RASGRP1: variants seen among roughly 807,000 people sequenced by gnomAD.
RASGRP1 encodes RAS guanyl releasing protein 1.
Under a neutral mutation model 95.1 loss-of-function variants are expected in RASGRP1, and 37 were observed. The ratio of observed to expected loss-of-function variants is 0.39; its 90% confidence interval spans 0.30 to 0.51. The LOEUF is 0.51. Among genes scored for constraint, RASGRP1 ranks in the 20% least tolerant of loss-of-function variants. The probability of loss-of-function intolerance (pLI) is 0.80; values close to 1 mark genes in which losing one functional copy is unlikely to be tolerated. For synonymous variants in RASGRP1, 325 were observed against 353.4 expected, an observed-to-expected ratio of 0.92 and a Z score of 0.90; for missense variants, 711 against 965.4, an observed-to-expected ratio of 0.74 and a Z score of 3.49.
At chr15:38,512,688 A>G (rs1891583939) in intron 7 of RASGRP1, 95 bp downstream of exon 7, 44 of 1,483,796 alleles carry the variant, frequency 3.0e-5, no homozygotes, top group Non-Finnish European at 4.0e-5. Context: ...TTCAGGAGGG[A>G]AAAAACAGCT....
chr15:38,514,627 T>A (rs1025849025), intron 6 of RASGRP1, among the ~76,000 whole-genome samples: 3 of 152,092 alleles, frequency 2.0e-5, no homozygotes, highest in African/African-American at 7.2e-5. Flanking sequence ...AAAAAAACCC[T>A]GAGATAGTCT....
At chr15:38,529,391 A>G (rs111890428) in intron 2 of RASGRP1, among the ~76,000 whole-genome samples, 3 of 152,176 alleles carry the variant, frequency 2.0e-5, no homozygotes, top group African/African-American at 7.2e-5. Flanking sequence ...CTCTAATTGT[A>G]CCTCAAACAC....
chr15:38,547,311 A>G (rs1893141127), intron 2 of RASGRP1, among the ~76,000 whole-genome samples: 1 of 152,178 alleles, frequency 6.6e-6, no homozygotes, highest in Admixed American at 6.5e-5. Context: ...AGGTTTCTGG[A>G]AGCCCTTCAC....
At position 38,488,130 on chromosome 15, in the gene RASGRP1, T is replaced by C. The variant is rs1263594382; in HGVS notation, c.*2424A>G. ...GTAGGGATCCTAATGTCTTTTATCA[T>C]ATAAATATTACACAAAGAAAACTTA... On this transcript the variant is annotated 3_prime_UTR_variant, in exon 17 of 17. Transcript: ENST00000310803. 1.3e-5 allele frequency: 2 copies of C among 152,028 alleles called. No individual in the cohort carries two copies. The highest frequency in any genetic ancestry group is 4.8e-5 in the African/African-American group (2 of 41,434). The allele number at this position is 152,028 out of a possible 1,614,324, so 9.4% of individuals were successfully genotyped here.
chr15:38,555,955 GGAAA>G (rs1893539738), intron 2 of RASGRP1, among the ~76,000 whole-genome samples: 1 of 152,092 alleles, frequency 6.6e-6, no homozygotes, highest in Admixed American at 6.5e-5. Context: ...AGGGAGATAA[GGAAA>G]GAGCTTTGTG....
At chr15:38,558,949 G>T (rs762987445) in intron 2 of RASGRP1, among the ~76,000 whole-genome samples, 1 of 152,102 alleles carries the variant, frequency 6.6e-6, no homozygotes, top group Non-Finnish European at 1.5e-5. Flanking sequence ...GCTTGGGGGG[G>T]TTGGTATGTC....
chr15:38,515,780 C>CG (rs1021319283), intron 6 of RASGRP1, among the ~76,000 whole-genome samples: 8 of 148,364 alleles, frequency 5.4e-5, no homozygotes, highest in African/African-American at 2.0e-4. Context: ...GCCCCCGCAC[C>CG]CCCCCCCCTT....
At chr15:38,526,149 A>G in intron 3 of RASGRP1, 150 bp downstream of exon 3, 1 of 649,504 alleles carries the variant, frequency 1.5e-6, no homozygotes, top group Non-Finnish European at 2.8e-6. Flanking sequence ...CACCCCCAAC[A>G]CATGCACCCA....
At chr15:38,527,561 AT>A (rs1335220815) in intron 2 of RASGRP1, among the ~76,000 whole-genome samples, 1 of 152,176 alleles carries the variant, frequency 6.6e-6, no homozygotes, top group Admixed American at 6.5e-5. Context: ...CAATGTCTTC[AT>A]TTATACGAAC....
intron 2 of RASGRP1, among the ~76,000 whole-genome samples, chr15:38,532,891 C>T (rs990155876): frequency 7.9e-5 from 12 of 151,720 alleles, no homozygotes; most frequent in African/African-American, 2.9e-4. Context: ...ATCAGAGTCT[C>T]GTGAGAGAAA....
At chr15:38,562,426 G>T (rs1893846292) in intron 1 of RASGRP1, among the ~76,000 whole-genome samples, 1 of 152,166 alleles carries the variant, frequency 6.6e-6, no homozygotes, top group South Asian at 2.1e-4. Context: ...AGCCCCTTGT[G>T]GCCCATGCAG....
chr15:38,558,298 A>G (rs1363968357), intron 2 of RASGRP1, among the ~76,000 whole-genome samples: 2 of 152,124 alleles, frequency 1.3e-5, no homozygotes, highest in Admixed American at 6.5e-5. Flanking sequence ...CTCGCAGTAT[A>G]TTTTCTAAGG....
intron 15 of RASGRP1, among the ~76,000 whole-genome samples, chr15:38,495,299 T>G (rs2141078218): frequency 6.6e-6 from 1 of 152,326 alleles, no homozygotes; most frequent in Non-Finnish European, 1.5e-5. Flanking sequence ...TTGCCCCTGT[T>G]TGATACTGAG....
chr15:38,507,910 G>C lies in RASGRP1; in HGVS notation c.1058C>G (p.Pro353Arg). 6.2e-7 allele frequency: 1 copy of C among 1,613,452 alleles called. No individual in the cohort carries two copies. Among genetic ancestry groups the C allele is most frequent in the Non-Finnish European group, 8.5e-7 (1 of 1,179,760 alleles). The change falls in exon 9 of 17, where the codon CCC becomes CGC. Residue 353 changes from proline (P) to arginine (R), a missense_variant. By Grantham distance (103) the Pro-to-Arg change is moderately radical. Transcript: ENST00000310803. ...AYGECTDFKIPILGVHLKDLI... is the reference protein window; with the variant it reads ...AYGECTDFKIRILGVHLKDLI... The stretch of plus-strand genomic sequence containing the variant: ...GTCCTTGAGATGCACACCCAGAATG[G>C]GGATCTTGAAGTCGGTGCACTCTCC...
chr15:38,521,367 C>A (rs529306435), intron 3 of RASGRP1, among the ~76,000 whole-genome samples: 63 of 152,282 alleles, frequency 4.1e-4, no homozygotes, highest in African/African-American at 1.5e-3. Flanking sequence ...TTTACCGTGT[C>A]ATTCACCTTC....
intron 1 of RASGRP1, among the ~76,000 whole-genome samples, chr15:38,563,827 G>A (rs544377689): frequency 1.4e-4 from 21 of 152,310 alleles, no homozygotes; most frequent in Middle Eastern, 3.4e-3. Context: ...GGTGGTGCAA[G>A]GCACAGTCCC....
intron 1 of RASGRP1, among the ~76,000 whole-genome samples, chr15:38,562,271 T>C (rs984496901): frequency 2.0e-5 from 3 of 152,210 alleles, no homozygotes; most frequent in African/African-American, 7.2e-5. Flanking sequence ...CATATTCCTC[T>C]TGCAGGCCCT....
chr15:38,511,632 C>T lies in RASGRP1; in HGVS notation c.938G>A (p.Ser313Asn), dbSNP rs762442488. The T allele has an allele frequency of 1.5e-5, 25 of 1,613,446 alleles. No individual in the cohort carries two copies. The Middle Eastern group carries it at 6.6e-4, about 42-fold the overall frequency. The part of the protein sequence containing the change: ...HSSISRLKET[S>N]SHVPHEINKV... ...ATTGATTTCATGTGGGACATGCGAA[C>T]TTGTCTCCTTGAGCCTCGAGATTGA... The change falls in exon 8 of 17, where the codon AGT becomes AAT. Residue 313 changes from serine (S) to asparagine (N), a missense_variant. Physicochemically the swap from Ser to Asn is conservative, Grantham distance 46. Transcript: ENST00000310803.
chr15:38,522,174 G>C (rs1892026769), intron 3 of RASGRP1, among the ~76,000 whole-genome samples: 1 of 152,198 alleles, frequency 6.6e-6, no homozygotes, highest in Admixed American at 6.5e-5. Context: ...ACAGAGTCTA[G>C]CGGGGGAGAC....
Sources: gnomAD v4.1 joint callset for allele counts (sites outside exome capture counted in the v4.1 genomes callset) on GRCh38, gnomAD v4.1.1 for gene constraint, MANE v1.5 for transcripts, NCBI Gene and HGNC (gene_info 2026-07-23, HGNC 2026-07-21) for gene names.